RTN4RL1: variants seen among roughly 807,000 people sequenced by gnomAD.
The protein encoded by RTN4RL1 is reticulon-4 receptor-like 1.
In RTN4RL1, 7 loss-of-function variants were observed where a neutral mutation model predicts 25.6. That is an observed-to-expected ratio of 0.27 (90% CI 0.16 to 0.51). The LOEUF is 0.51. RTN4RL1 is among the 20% of genes least tolerant of loss of function. The probability of loss-of-function intolerance (pLI) is 0.97; values close to 1 mark genes in which losing one functional copy is unlikely to be tolerated. For missense variants in RTN4RL1, 500 were observed against 615.6 expected (o/e 0.81, Z 1.99); for synonymous variants, 297 against 288.2 (o/e 1.03, Z -0.31).
intron 1 of RTN4RL1, among the ~76,000 whole-genome samples, chr17:1,966,339 A>C (rs549252843): frequency 6.6e-6 from 1 of 152,142 alleles, no homozygotes; most frequent in East Asian, 1.9e-4. Flanking sequence ...CTCTCCTGTC[A>C]GGAGCAAGCC....
At chr17:1,954,759 G>T (rs1020055620) in intron 1 of RTN4RL1, among the ~76,000 whole-genome samples, 2 of 152,202 alleles carry the variant, frequency 1.3e-5, no homozygotes, top group South Asian at 4.1e-4. Context: ...CTGGTACATA[G>T]AGGTCATCCT....
chr17:1,999,448 A>T (rs2151321762), intron 1 of RTN4RL1, among the ~76,000 whole-genome samples: 1 of 107,540 alleles, frequency 9.3e-6, no homozygotes, highest in South Asian at 2.8e-4. Flanking sequence ...TCCGTCTCGA[A>T]AAAAATAAAA....
chr17:1,946,037 G>A (rs1915531456), intron 1 of RTN4RL1, among the ~76,000 whole-genome samples: 1 of 152,154 alleles, frequency 6.6e-6, no homozygotes, highest in African/African-American at 2.4e-5. Flanking sequence ...GAGGCTTCCT[G>A]GTCAATCACG....
At chr17:2,017,811 G>C (rs2067145688) in intron 1 of RTN4RL1, 1 of 152,292 alleles carries the variant, frequency 6.6e-6, no homozygotes, top group Admixed American at 6.5e-5. Context: ...TCGTTTCCAC[G>C]CTTCGCTGAC....
chr17:2,001,199 T>G (rs1018158273), intron 1 of RTN4RL1, among the ~76,000 whole-genome samples: 1 of 147,476 alleles, frequency 6.8e-6, no homozygotes, highest in Admixed American at 6.8e-5. Flanking sequence ...TCATTTACTT[T>G]GTATTTTCCA....
intron 1 of RTN4RL1, among the ~76,000 whole-genome samples, chr17:1,991,006 G>A (rs1474762912): frequency 6.6e-6 from 1 of 152,140 alleles, no homozygotes; most frequent in Non-Finnish European, 1.5e-5. Context: ...CTCTCTAGGC[G>A]CAGAGAGCAC....
intron 1 of RTN4RL1, among the ~76,000 whole-genome samples, chr17:2,002,331 C>T (rs979265541): frequency 2.0e-5 from 3 of 147,956 alleles, no homozygotes; most frequent in South Asian, 4.3e-4. Context: ...CTTGCTCTGT[C>T]GCCCAGGCTG....
At chr17:1,992,183 T>G (rs1258788305) in intron 1 of RTN4RL1, among the ~76,000 whole-genome samples, 1 of 151,522 alleles carries the variant, frequency 6.6e-6, no homozygotes, top group Non-Finnish European at 1.5e-5. Flanking sequence ...GCTAACACGG[T>G]GAAACCCCAT....
Position 1,970,019 on chromosome 17 carries a change from C to CTTT in RTN4RL1, c.14-32214_14-32212dup, listed in dbSNP as rs59804703. On this transcript the variant is annotated intron_variant, in intron 1 of 1. Transcript: ENST00000331238. ...GCCTCAGGATTTCTGCTCTCTCTCT[C>CTTT]TTTTTTTTTTTTTTTTTTTTGAGAT... 3.0e-4 allele frequency among the ~76,000 whole-genome samples: 22 copies of CTTT among 72,146 alleles called. No homozygotes were observed. The South Asian group carries it at 8.5e-3, about 28-fold the overall frequency. The allele number at this position is 72,146 out of a possible 152,430, so 47.3% of individuals were successfully genotyped here.
chr17:2,018,449 G>C (rs1465847815), intron 1 of RTN4RL1, among the ~76,000 whole-genome samples: 1 of 152,210 alleles, frequency 6.6e-6, no homozygotes, highest in Non-Finnish European at 1.5e-5. Flanking sequence ...GGCCCCAGGA[G>C]TCCCAGATCC....
intron 1 of RTN4RL1, among the ~76,000 whole-genome samples, chr17:1,973,422 T>A (rs1200198418): frequency 6.6e-6 from 1 of 150,466 alleles, no homozygotes; most frequent in Non-Finnish European, 1.5e-5. Flanking sequence ...ATCCCAGCAC[T>A]TTGGGAAGCT....
At position 1,936,637 on chromosome 17, in the gene RTN4RL1, C is replaced by A. The variant is rs985991610; in HGVS notation, c.1185G>T (p.Thr395=). ...ACTTGCCCTTCCTCTTGGGCCGGGC[C>A]GTAGGCATGATGTCAAAACTGAACT... ...QHKFSFDIMP[T]ARPKRKGKCA... The change falls in exon 2 of 2, where the codon ACG becomes ACT. Residue 395 remains threonine (T), a synonymous_variant. Transcript: ENST00000331238. 7 of 1,595,054 alleles carry A rather than the reference C, an allele frequency of 4.4e-6. No individual in the cohort carries two copies. The African/African-American group carries it at 5.4e-5, about 12-fold the overall frequency.
chr17:1,956,939 C>T (rs984805188), intron 1 of RTN4RL1, among the ~76,000 whole-genome samples: 104 of 152,126 alleles, frequency 6.8e-4, no homozygotes, highest in African/African-American at 2.4e-3. Context: ...GGGTTTTCAC[C>T]ATGTTGGCCA....
chr17:2,008,026 A>T (rs186516271), intron 1 of RTN4RL1, among the ~76,000 whole-genome samples: 136 of 152,230 alleles, frequency 8.9e-4, no homozygotes, highest in African/African-American at 3.1e-3. Context: ...TAATCCCAGC[A>T]CTTTGGGAGG....
chr17:1,985,865 C>A (rs1184093718), intron 1 of RTN4RL1, among the ~76,000 whole-genome samples: 1 of 152,106 alleles, frequency 6.6e-6, no homozygotes, highest in African/African-American at 2.4e-5. Context: ...CTGTAAATCA[C>A]AGGGTTCCCA....
intron 1 of RTN4RL1, among the ~76,000 whole-genome samples, chr17:1,945,751 T>G (rs1915524616): frequency 6.6e-6 from 1 of 152,226 alleles, no homozygotes; most frequent in Non-Finnish European, 1.5e-5. Flanking sequence ...ACTGAGTGTA[T>G]GTTGACTCCG....
intron 1 of RTN4RL1, among the ~76,000 whole-genome samples, chr17:2,013,896 C>T (rs916304510): frequency 1.3e-5 from 2 of 152,108 alleles, no homozygotes; most frequent in African/African-American, 2.4e-5. Flanking sequence ...CTTTGAGGTG[C>T]GGGTTCTAGA....
intron 1 of RTN4RL1, among the ~76,000 whole-genome samples, chr17:1,951,243 C>G (rs180845509): frequency 2.0e-5 from 3 of 150,876 alleles, no homozygotes; most frequent in African/African-American, 7.3e-5. Context: ...CCAGCCTGGG[C>G]GACAGAGCGA....
intron 1 of RTN4RL1, among the ~76,000 whole-genome samples, chr17:1,993,162 C>T (rs967341325): frequency 4.6e-5 from 7 of 152,200 alleles, no homozygotes; most frequent in South Asian, 4.2e-4. Context: ...GCAGGAGAAT[C>T]GCTTGAACCT....
Sources: allele counts gnomAD v4.1 joint callset (sites outside exome capture counted in the v4.1 genomes callset), GRCh38; gene constraint gnomAD v4.1.1; transcripts MANE v1.5; gene names NCBI Gene and HGNC (gene_info 2026-07-23, HGNC 2026-07-21).